Variants in NKAIN2 observed in about 807,000 individuals in gnomAD.
The protein encoded by NKAIN2 is sodium/potassium-transporting ATPase subunit beta-1-interacting protein 2.
Under a neutral mutation model 32.6 loss-of-function variants are expected in NKAIN2, and 14 were observed. The observed-to-expected ratio is 0.43, with a 90% confidence interval of 0.28 to 0.67. The LOEUF (loss-of-function observed/expected upper bound fraction) is 0.67, where lower values mean the gene tolerates loss of function less well. Ranked by LOEUF, NKAIN2 falls within the 30% of genes least tolerant of loss-of-function variation. The pLI, the probability that NKAIN2 is intolerant of heterozygous loss-of-function variation, is 0.17. For synonymous variants in NKAIN2, 80 were observed against 87.2 expected, an observed-to-expected ratio of 0.92 and a Z score of 0.46; for missense variants, 198 against 258.3, an observed-to-expected ratio of 0.77 and a Z score of 1.60.
At chr6:124,569,057 G>C (rs1781028438) in intron 3 of NKAIN2, among the ~76,000 whole-genome samples, 1 of 152,110 alleles carries the variant, frequency 6.6e-6, no homozygotes, top group Admixed American at 6.6e-5. Context: ...GCAGTCTAGA[G>C]TCTCCCACTT....
intron 2 of NKAIN2, among the ~76,000 whole-genome samples, chr6:124,283,515 T>C (rs1795400095): frequency 6.6e-6 from 1 of 152,156 alleles, no homozygotes. Flanking sequence ...GAATAAAGAG[T>C]TTAAAATCAA....
chr6:124,531,859 C>A (rs1299536649), intron 3 of NKAIN2, among the ~76,000 whole-genome samples: 1 of 152,096 alleles, frequency 6.6e-6, no homozygotes, highest in African/African-American at 2.4e-5. Flanking sequence ...TTTGTACAGA[C>A]GGGGTTTCAC....
At chr6:124,437,866 C>G (rs1198540149) in intron 3 of NKAIN2, 1 of 319,386 alleles carries the variant, frequency 3.1e-6, no homozygotes, top group African/African-American at 4.1e-5. Flanking sequence ...ACGTACTGAT[C>G]TATTGATTTT....
intron 3 of NKAIN2, among the ~76,000 whole-genome samples, chr6:124,576,576 G>T (rs1367874977): frequency 6.6e-6 from 1 of 152,050 alleles, no homozygotes; most frequent in African/African-American, 2.4e-5. Flanking sequence ...GTTAACATTT[G>T]GAAAATCTGC....
intron 1 of NKAIN2, among the ~76,000 whole-genome samples, chr6:124,137,725 T>A (rs1216110175): frequency 1.3e-5 from 2 of 152,090 alleles, no homozygotes; most frequent in Non-Finnish European, 2.9e-5. Context: ...TAAAGACAAC[T>A]GATCTTTGAC....
At chr6:124,714,438 T>A (rs868610616) in intron 4 of NKAIN2, among the ~76,000 whole-genome samples, 2 of 152,218 alleles carry the variant, frequency 1.3e-5, no homozygotes, top group Non-Finnish European at 2.9e-5. Flanking sequence ...TACAATCCAC[T>A]TCATGCTTGG....
At chr6:124,044,936 G>A (rs192352681) in intron 1 of NKAIN2, among the ~76,000 whole-genome samples, 101 of 152,046 alleles carry the variant, frequency 6.6e-4, no homozygotes, top group Non-Finnish European at 2.9e-4. Flanking sequence ...AAATAAGTAA[G>A]TCTTTTACTT....
At chr6:124,173,756 AATC>A (rs1789016731) in intron 1 of NKAIN2, among the ~76,000 whole-genome samples, 1 of 152,068 alleles carries the variant, frequency 6.6e-6, no homozygotes, top group Non-Finnish European at 1.5e-5. Context: ...TTTGTTATAT[AATC>A]ATCATTTTTG....
At position 124,371,051 on chromosome 6, in the gene NKAIN2, A is replaced by G. The variant is rs1056268653; in HGVS notation, c.273+15704A>G. 7.2e-5 allele frequency among the ~76,000 whole-genome samples: 11 copies of G among 152,164 alleles called. No homozygotes were observed. In the East Asian group the frequency reaches 1.9e-3, roughly 27 times the overall value. On this transcript the variant is annotated intron_variant, in intron 3 of 6. Transcript: ENST00000368417. ...CATAGTGTGCTACATAATGAGTCCAATTCTTCTTGTCTGTTTCTTGTTTCC... is the reference window on the plus strand; with the variant it reads ...CATAGTGTGCTACATAATGAGTCCAGTTCTTCTTGTCTGTTTCTTGTTTCC...
intron 1 of NKAIN2, among the ~76,000 whole-genome samples, chr6:123,961,816 T>G (rs1306387042): frequency 1.3e-5 from 2 of 152,180 alleles, no homozygotes; most frequent in Non-Finnish European, 2.9e-5. Flanking sequence ...TCACAAACTT[T>G]TGGTGACTAC....
chr6:124,348,176 G>C (rs113515694), intron 2 of NKAIN2, among the ~76,000 whole-genome samples: 5,974 of 152,174 alleles, frequency 0.039, 380 homozygotes, highest in African/African-American at 0.13. Context: ...GAATGCTGCT[G>C]TCTGCTTGTT....
At chr6:124,578,967 C>T (rs1781429757) in intron 3 of NKAIN2, among the ~76,000 whole-genome samples, 1 of 152,194 alleles carries the variant, frequency 6.6e-6, no homozygotes, top group African/African-American at 2.4e-5. Context: ...GAGAATTATT[C>T]TAGATCTTAA....
intron 1 of NKAIN2, among the ~76,000 whole-genome samples, chr6:124,155,594 C>A (rs1468510900): frequency 6.7e-6 from 1 of 149,986 alleles, no homozygotes; most frequent in African/African-American, 2.5e-5. Context: ...GTAATATATG[C>A]TATCTTTTTT....
intron 1 of NKAIN2, among the ~76,000 whole-genome samples, chr6:123,826,882 A>G (rs1313748105): frequency 6.6e-6 from 1 of 152,144 alleles, no homozygotes; most frequent in East Asian, 1.9e-4. Flanking sequence ...GCTAGATCAT[A>G]TGGCATTTCT....
intron 3 of NKAIN2, among the ~76,000 whole-genome samples, chr6:124,588,678 C>T (rs1486532875): frequency 6.6e-6 from 1 of 152,124 alleles, no homozygotes; most frequent in Non-Finnish European, 1.5e-5. Context: ...CCCAGAGATA[C>T]TCAGAGGTGC....
chr6:124,476,047 TGA>T (rs529640624), intron 3 of NKAIN2, among the ~76,000 whole-genome samples: 1,724 of 138,734 alleles, frequency 0.012, 23 homozygotes, highest in African/African-American at 0.036. Flanking sequence ...AGTGTGTGTG[TGA>T]GAGAGAGAGA....
intron 3 of NKAIN2, among the ~76,000 whole-genome samples, chr6:124,413,342 C>T (rs1490693823): frequency 6.6e-6 from 1 of 152,132 alleles, no homozygotes; most frequent in Non-Finnish European, 1.5e-5. Context: ...TATTGAAAAG[C>T]CTGTTCTTTC....
intron 3 of NKAIN2, among the ~76,000 whole-genome samples, chr6:124,492,143 A>T (rs1318517987): frequency 1.3e-5 from 2 of 151,900 alleles, no homozygotes; most frequent in African/African-American, 2.4e-5. Context: ...AGAATATTTT[A>T]TTATATTTTC....
chr6:124,181,417 G>A (rs1417350376), intron 1 of NKAIN2, among the ~76,000 whole-genome samples: 2 of 152,196 alleles, frequency 1.3e-5, no homozygotes, highest in African/African-American at 4.8e-5. Flanking sequence ...TCTGCAGCTG[G>A]CTTAAATTTC....
Sources: gnomAD v4.1 joint callset for allele counts (sites outside exome capture counted in the v4.1 genomes callset) on GRCh38, gnomAD v4.1.1 for gene constraint, MANE v1.5 for transcripts, NCBI Gene and HGNC (gene_info 2026-07-23, HGNC 2026-07-21) for gene names.